NCBP3: variants seen among roughly 807,000 people sequenced by gnomAD.
NCBP3 encodes nuclear cap binding subunit 3, also known as nuclear cap-binding protein subunit 3.
Under a neutral mutation model 75.7 loss-of-function variants are expected in NCBP3, and 20 were observed. The ratio of observed to expected loss-of-function variants is 0.26; its 90% confidence interval spans 0.19 to 0.38. NCBP3 has a LOEUF of 0.38. NCBP3 is among the 10% of genes least tolerant of loss of function. NCBP3 has a pLI of 1.00. For missense variants in NCBP3, 678 were observed against 796.9 expected (o/e 0.85, Z 1.80); for synonymous variants, 293 against 290.5 (o/e 1.01, Z -0.09).
At chr17:3,832,889 G>T (rs1169360517) in intron 3 of NCBP3, among the ~76,000 whole-genome samples, 1 of 152,094 alleles carries the variant, frequency 6.6e-6, no homozygotes, top group Non-Finnish European at 1.5e-5. Flanking sequence ...ATGTAAGTGT[G>T]GCCAGACTAA....
intron 1 of NCBP3, 57 bp from the exon 2 acceptor site, chr17:3,843,208 T>A (rs866895856): frequency 2.1e-6 from 3 of 1,395,760 alleles, no homozygotes; most frequent in Middle Eastern, 3.6e-4. Flanking sequence ...AAACCTATAA[T>A]AAAAGTCGGC....
Position 3,816,135 on chromosome 17 carries a change from T to C in NCBP3, c.1446A>G (p.Pro482=). The part of the protein sequence containing the change: ...EKRQHSRPRP[P]VSSTKSDIRQ... ...CAGTACCTGATTTAGTACTGCTGACTGGTGGCCGTGGACGGGAGTGCTGAC... is the reference window on the plus strand; with the variant it reads ...CAGTACCTGATTTAGTACTGCTGACCGGTGGCCGTGGACGGGAGTGCTGAC... The change falls in exon 11 of 13, where the codon CCA becomes CCG. Residue 482 remains proline, a synonymous_variant. Transcript: ENST00000389005. The C allele has an allele frequency of 6.2e-7, 1 of 1,614,112 alleles. No homozygotes were observed. Among genetic ancestry groups the C allele is most frequent in the South Asian group, 1.1e-5 (1 of 91,064 alleles).
Position 3,816,110 on chromosome 17 carries a change from C to A in NCBP3, c.1465+6G>T, listed in dbSNP as rs3826485. ...TCCAGCCAGGAATCCAAGTGAGGAA[C>A]AGTACCTGATTTAGTACTGCTGACT... On this transcript the variant is annotated splice_donor_region_variant and intron_variant, in intron 11 of 12. Transcript: ENST00000389005. 1.3e-4 allele frequency: 216 copies of A among 1,611,180 alleles called. No individual in the cohort carries two copies. In the East Asian group the frequency reaches 4.8e-3, roughly 36 times the overall value.
chr17:3,820,673 C>G (rs182326837), intron 9 of NCBP3, among the ~76,000 whole-genome samples: 1 of 152,194 alleles, frequency 6.6e-6, no homozygotes, highest in Non-Finnish European at 1.5e-5. Context: ...TAGCTCACAC[C>G]TGTAATCCCA....
At chr17:3,828,712 C>G (rs958902957) in intron 4 of NCBP3, among the ~76,000 whole-genome samples, 1 of 152,096 alleles carries the variant, frequency 6.6e-6, no homozygotes, top group African/African-American at 2.4e-5. Flanking sequence ...CATTCTAGAA[C>G]ACACAGTTCA....
Position 3,828,770 on chromosome 17 carries a change from T to C in NCBP3, c.481+473A>G, listed in dbSNP as rs556366393. On this transcript the variant is annotated intron_variant, in intron 4 of 12. Transcript: ENST00000389005. The stretch of plus-strand genomic sequence containing the variant: ...TAGTAGAGTGTTTAGCTCTAGGTCA[T>C]TCTGTCTATTCAGAATGACACTCTG... Among the ~76,000 whole-genome samples the C allele has an allele frequency of 4.6e-5, 7 of 152,272 alleles. 1 individual carries two copies. In the South Asian group the frequency reaches 1.4e-3, roughly 32 times the overall value.
chr17:3,832,848 A>T (rs1186804920), intron 3 of NCBP3, among the ~76,000 whole-genome samples: 1 of 152,168 alleles, frequency 6.6e-6, no homozygotes, highest in Non-Finnish European at 1.5e-5. Context: ...TTAAATCTCA[A>T]AGAGTTAAGA....
At position 3,818,977 on chromosome 17, in the gene NCBP3, A is replaced by G. The variant is rs1286193473; in HGVS notation, c.1001-405T>C. 1.3e-5 allele frequency among the ~76,000 whole-genome samples: 2 copies of G among 151,692 alleles called. No homozygotes were observed. The highest frequency in any genetic ancestry group is 2.9e-5 in the Non-Finnish European group (2 of 67,958). ...CCCAGTGGAGGTCAAACAAAGCAAC[A>G]CTCCACCTTCCTGTTTCATCTCATG... is the stretch of plus-strand genomic sequence containing the variant. On this transcript the variant is annotated intron_variant, in intron 9 of 12. Coordinates refer to ENST00000389005, the MANE Select transcript of NCBP3 (RefSeq NM_001114118.3). The surrounding 1 kb of genome is among the most constrained non-coding windows in gnomAD (Gnocchi z 4.7).
chr17:3,840,649 G>T (rs895214853), intron 2 of NCBP3, among the ~76,000 whole-genome samples: 1 of 152,204 alleles, frequency 6.6e-6, no homozygotes, highest in Admixed American at 6.5e-5. Context: ...TAAGCAAGCA[G>T]ATCTGATTCC....
chr17:3,813,853 AG>A lies in NCBP3; in HGVS notation c.1627+468del, dbSNP rs1349873109. Among the ~76,000 whole-genome samples, 3 of 152,124 alleles carry A rather than the reference AG, an allele frequency of 2.0e-5. 1 individual carries two copies. Among genetic ancestry groups the A allele is most frequent in the Non-Finnish European group, 4.4e-5 (3 of 68,026 alleles). On this transcript the variant is annotated intron_variant, in intron 12 of 12. Transcript: ENST00000389005. Reference sequence around the variant, plus strand: ...TCATTTTTGTGTTTTTAGTAGAGACAGGGTTTCACCATGTTGGTTAGGCTGG... The same window carrying A: ...TCATTTTTGTGTTTTTAGTAGAGACAGGTTTCACCATGTTGGTTAGGCTGG...
At chr17:3,835,113 C>T (rs2053951228) in intron 3 of NCBP3, among the ~76,000 whole-genome samples, 2 of 152,270 alleles carry the variant, frequency 1.3e-5, no homozygotes, top group South Asian at 4.1e-4. Flanking sequence ...GAGCTAGGAG[C>T]TGAAAGGTAG....
chr17:3,817,566 T>C (rs535996266), intron 10 of NCBP3, among the ~76,000 whole-genome samples: 41 of 152,084 alleles, frequency 2.7e-4, no homozygotes, highest in African/African-American at 9.6e-4. Flanking sequence ...GAGGCGGAGT[T>C]TGCAGTGAGC....
intron 3 of NCBP3, among the ~76,000 whole-genome samples, chr17:3,833,754 T>C (rs1419034151): frequency 6.6e-6 from 1 of 152,230 alleles, no homozygotes; most frequent in African/African-American, 2.4e-5. Context: ...TGTTGTAATG[T>C]TAGAACAATG....
intron 2 of NCBP3, among the ~76,000 whole-genome samples, chr17:3,841,848 A>AC (rs397817663): frequency 6.7e-6 from 1 of 149,114 alleles, no homozygotes; most frequent in Non-Finnish European, 1.5e-5. Context: ...AAAAAAAAAA[A>AC]CACTATAAAA....
Position 3,846,189 on chromosome 17 carries a change from T to A in NCBP3, c.35A>T (p.Lys12Met). The stretch of plus-strand genomic sequence containing the variant: ...GGCCGGCCCCGCCGGGGCCTCCGCC[T>A]TCACCGACACCCGCAGGCCCCGTAC... ...AAVRGLRVSVKAEAPAGPALG... is the reference protein window; with the variant it reads ...AAVRGLRVSVMAEAPAGPALG... Residue 12 changes from lysine to methionine, a missense_variant, in exon 1 of 13, where the codon AAG (lysine) becomes ATG (methionine). Lys to Met is a moderately conservative substitution (Grantham distance 95, BLOSUM62 -1). Transcript: ENST00000389005. The surrounding 1 kb of genome is among the most constrained non-coding windows in gnomAD (Gnocchi z 4.6). 1 of 1,512,232 alleles carries A rather than the reference T, an allele frequency of 6.6e-7. No individual in the cohort carries two copies. Among genetic ancestry groups the A allele is most frequent in the Non-Finnish European group, 8.8e-7 (1 of 1,131,344 alleles). 93.7% of individuals were successfully genotyped at this position (1,512,232 alleles called of 1,614,324 possible).
intron 9 of NCBP3, 77 bp downstream of exon 9, chr17:3,821,172 A>T: frequency 9.3e-7 from 1 of 1,070,194 alleles, no homozygotes; most frequent in Non-Finnish European, 1.4e-6. Flanking sequence ...TTGGAACCTT[A>T]AAAGATTGCA....
At chr17:3,841,266 C>T (rs1376181019) in intron 2 of NCBP3, among the ~76,000 whole-genome samples, 6 of 152,124 alleles carry the variant, frequency 3.9e-5, no homozygotes, top group African/African-American at 1.2e-4. Context: ...TGAGCCACCG[C>T]GCCCAGTCCC....
chr17:3,812,065 A>T lies in NCBP3; in HGVS notation c.*979T>A, dbSNP rs1321267135. The T allele has an allele frequency of 1.3e-5, 2 of 152,148 alleles. No homozygotes were observed. Among genetic ancestry groups the T allele is most frequent in the South Asian group, 4.1e-4 (2 of 4,830 alleles). The allele number at this position is 152,148 out of a possible 1,614,324, so 9.4% of individuals were successfully genotyped here. A position where few individuals can be genotyped will look rare whatever the true frequency, so the allele number is the denominator to read the frequency against. Reference sequence around the variant, plus strand: ...GATTTTTTTTCCTACTGGAGCCAAAAAACAAGCTGAACTCTATGTACAACA... The same window carrying T: ...GATTTTTTTTCCTACTGGAGCCAAATAACAAGCTGAACTCTATGTACAACA... On this transcript the variant is annotated 3_prime_UTR_variant, in exon 13 of 13. Coordinates refer to ENST00000389005, the MANE Select transcript of NCBP3 (RefSeq NM_001114118.3).
intron 4 of NCBP3, among the ~76,000 whole-genome samples, chr17:3,828,943 G>C (rs1257453074): frequency 6.6e-6 from 1 of 152,058 alleles, no homozygotes; most frequent in Non-Finnish European, 1.5e-5. Context: ...CCTTTGTTGG[G>C]AAAAGGTGAG....
Sources: gnomAD v4.1 joint callset for allele counts (sites outside exome capture counted in the v4.1 genomes callset) on GRCh38, gnomAD v4.1.1 for gene constraint, Gnocchi (gnomAD v3.1) non-coding constraint, MANE v1.5 for transcripts, NCBI Gene and HGNC (gene_info 2026-07-23, HGNC 2026-07-21) for gene names.